The following BACE1 variants were observed in gnomAD, a reference collection of about 807,000 sequenced individuals.
The protein encoded by BACE1 is APP beta-secretase.
Under a neutral mutation model 54.0 loss-of-function variants are expected in BACE1, and 21 were observed. That is an observed-to-expected ratio of 0.39 (90% CI 0.28 to 0.56). The LOEUF (loss-of-function observed/expected upper bound fraction) is 0.56. Among genes scored for constraint, BACE1 ranks in the 20% least tolerant of loss-of-function variants. The pLI, the probability that BACE1 is intolerant of heterozygous loss-of-function variation, is 0.63. For missense variants in BACE1, 511 were observed against 661.2 expected (o/e 0.77, Z 2.49); for synonymous variants, 232 against 260.9 (o/e 0.89, Z 1.07).
rs2034412956 is a variant in BACE1 at position 117,290,997 on chromosome 11, T to C, written c.995A>G (p.Gln332Arg). The C allele has an allele frequency of 6.2e-7, 1 of 1,614,056 alleles. No homozygotes were observed. Among genetic ancestry groups the C allele is most frequent in the Admixed American group, 1.7e-5 (1 of 59,988 alleles). The change falls in exon 7 of 9, where the codon CAA becomes CGA. Residue 332 changes from glutamine to arginine, a missense_variant. Coordinates refer to ENST00000313005, the MANE Select transcript of BACE1 (RefSeq NM_012104.6). ...FWLGEQLVCWQAGTTPWNIFP... is the reference protein window; with the variant it reads ...FWLGEQLVCWRAGTTPWNIFP... ...AATGTTCCAAGGGGTGGTGCCTGCT[T>C]GCCAGCACACCAGCTGCTCTCCTAG...
Position 117,293,647 on chromosome 11 carries a change from A to T in BACE1, c.705+224T>A. ...TTTTCATTTCCTTTGAAATTTTCCTAATTGCCTTCCTTTCCAAGTTTACCA... is the reference window on the plus strand; with the variant it reads ...TTTTCATTTCCTTTGAAATTTTCCTTATTGCCTTCCTTTCCAAGTTTACCA... On this transcript the variant is annotated intron_variant, in intron 4 of 8. Coordinates refer to ENST00000313005, the MANE Select transcript of BACE1 (RefSeq NM_012104.6). The surrounding 1 kb of genome is among the most constrained non-coding windows in gnomAD (Gnocchi z 4.1). 2.5e-6 allele frequency: 1 copy of T among 405,938 alleles called. No individual in the cohort carries two copies. The highest frequency in any genetic ancestry group is 4.2e-6 in the Non-Finnish European group (1 of 238,790). 25.1% of individuals were successfully genotyped at this position (405,938 alleles called of 1,614,324 possible).
intron 7 of BACE1, 28 bp downstream of exon 7, chr11:117,290,872 G>A (rs369598078): frequency 1.2e-6 from 2 of 1,609,476 alleles, no homozygotes; most frequent in Non-Finnish European, 1.7e-6. Context: ...TTTTAAGAGA[G>A]ATCCCCCTGA....
At chr11:117,312,184 C>T (rs1251932665) in intron 1 of BACE1, among the ~76,000 whole-genome samples, 1 of 152,202 alleles carries the variant, frequency 6.6e-6, no homozygotes, top group Non-Finnish European at 1.5e-5. Context: ...CATGCTTAAG[C>T]CCTAACATCC....
chr11:117,295,265 G>T lies in BACE1; in HGVS notation c.433C>A (p.Leu145Met), dbSNP rs1335506651. The change falls in exon 3 of 9, where the codon CTG becomes ATG. Residue 145 changes from leucine to methionine, a missense_variant. Physicochemically the swap from Leu to Met is conservative, Grantham distance 15. Coordinates refer to ENST00000313005, the MANE Select transcript of BACE1 (RefSeq NM_012104.6). ...GKWEGELGTD[L>M]VSIPHGPNVT... The stretch of plus-strand genomic sequence containing the variant: ...TTGGGGCCATGGGGGATGCTTACCA[G>T]GTCGGTGCCCAGCTCCCCTTCCCAC... 1 of 1,614,204 alleles carries T rather than the reference G, an allele frequency of 6.2e-7. No homozygotes were observed. The highest frequency in any genetic ancestry group is 8.5e-7 in the Non-Finnish European group (1 of 1,180,046).
intron 1 of BACE1, among the ~76,000 whole-genome samples, chr11:117,304,648 T>A (rs954577381): frequency 6.6e-6 from 1 of 152,208 alleles, no homozygotes; most frequent in Admixed American, 6.5e-5. Flanking sequence ...CCTGTTCTCA[T>A]GTTCACATTA....
chr11:117,294,098 G>C lies in BACE1; in HGVS notation c.568-90C>G, dbSNP rs549756700. On this transcript the variant is annotated intron_variant, in intron 3 of 8. Transcript: ENST00000313005. The stretch of plus-strand genomic sequence containing the variant: ...TCTAAACTGGAAGGCAAATTTGAAG[G>C]CTTGGGGGATGCTCCTTGGGAAAGA... 1.0e-5 allele frequency: 15 copies of C among 1,457,288 alleles called. No individual in the cohort carries two copies. In the South Asian group the frequency reaches 1.9e-4, roughly 18 times the overall value. The allele number at this position is 1,457,288 out of a possible 1,614,324, so 90.3% of individuals were successfully genotyped here. A position where few individuals can be genotyped will look rare whatever the true frequency, so the allele number is the denominator to read the frequency against.
chr11:117,299,026 G>A (rs553845997), intron 1 of BACE1, among the ~76,000 whole-genome samples: 3 of 152,176 alleles, frequency 2.0e-5, no homozygotes, highest in African/African-American at 7.2e-5. Context: ...GGCTGGTCTC[G>A]AACTCCTGAC....
chr11:117,286,885 T>G lies in BACE1; in HGVS notation c.*2681A>C, dbSNP rs1265576700. 1 of 152,624 alleles carries G rather than the reference T, an allele frequency of 6.6e-6. No homozygotes were observed. The highest frequency in any genetic ancestry group is 1.5e-5 in the Non-Finnish European group (1 of 68,044). 9.5% of individuals were successfully genotyped at this position (152,624 alleles called of 1,614,324 possible). ...TAGTAGCTGTCATGAACAGGAAAGG[T>G]GGCAAAATGGAAGACCAGTTCTATT... is the stretch of plus-strand genomic sequence containing the variant. On this transcript the variant is annotated 3_prime_UTR_variant, in exon 9 of 9. Coordinates refer to ENST00000313005, the MANE Select transcript of BACE1 (RefSeq NM_012104.6).
chr11:117,306,137 G>A (rs1371860065), intron 1 of BACE1, among the ~76,000 whole-genome samples: 1 of 152,202 alleles, frequency 6.6e-6, no homozygotes, highest in Non-Finnish European at 1.5e-5. Context: ...GAAAAAGACA[G>A]AGGTGTTCTG....
At chr11:117,310,097 T>C (rs958424132) in intron 1 of BACE1, among the ~76,000 whole-genome samples, 25 of 152,012 alleles carry the variant, frequency 1.6e-4, no homozygotes, top group Admixed American at 5.9e-4. Context: ...TTAGTAGAGA[T>C]GGGGTTTCAC....
chr11:117,312,831 C>T (rs1035688165), intron 1 of BACE1, among the ~76,000 whole-genome samples: 2 of 152,162 alleles, frequency 1.3e-5, no homozygotes, highest in Non-Finnish European at 2.9e-5. Flanking sequence ...CTCTAGAGGT[C>T]AGGGATGGGG....
At chr11:117,298,633 TC>T (rs1165356306) in intron 1 of BACE1, among the ~76,000 whole-genome samples, 1 of 152,160 alleles carries the variant, frequency 6.6e-6, no homozygotes, top group East Asian at 1.9e-4. Flanking sequence ...AGAATGTGGC[TC>T]CCCTTCTGTC....
chr11:117,299,083 G>A (rs959686790), intron 1 of BACE1, among the ~76,000 whole-genome samples: 6 of 152,144 alleles, frequency 3.9e-5, no homozygotes, highest in African/African-American at 4.8e-5. Flanking sequence ...TGAGGCGTGA[G>A]CTACCATGCC....
Position 117,290,583 on chromosome 11 carries a change from G to T in BACE1, c.1169C>A (p.Thr390Lys). The change falls in exon 8 of 9, where the codon ACG (threonine) becomes AAG (lysine). Residue 390 changes from threonine (T) to lysine (K), a missense_variant. Physicochemically the swap from Thr to Lys is moderately conservative, Grantham distance 78 (BLOSUM62 -1). Transcript: ENST00000313005. The stretch of plus-strand genomic sequence containing the variant: ...GATAACAGCTCCCATAACAGTGCCC[G>T]TGGATGACTGTGAGATGGCAAACTT... ...CYKFAISQSS[T>K]GTVMGAVIME... is the part of the protein sequence containing the mutation. 1 of 1,614,236 alleles carries T rather than the reference G, an allele frequency of 6.2e-7. No individual in the cohort carries two copies. Among genetic ancestry groups the T allele is most frequent in the Non-Finnish European group, 8.5e-7 (1 of 1,180,048 alleles).
rs1158591036 is a variant in BACE1, at chr11:117,315,227, T to G, written c.261+308A>C. On this transcript the variant is annotated intron_variant, in intron 1 of 8. Coordinates refer to ENST00000313005, the MANE Select transcript of BACE1 (RefSeq NM_012104.6). This position sits in a 1 kb window ranked among gnomAD's most constrained non-coding sequence, Gnocchi z 5.5. ...GGGCTGACACCTGTTATAGTGCCCC[T>G]GTGGCGGACCCTTCCTCCAGGTCAG... Among the ~76,000 whole-genome samples, 3 of 152,188 alleles carry G rather than the reference T, an allele frequency of 2.0e-5. No individual in the cohort carries two copies. Among genetic ancestry groups the G allele is most frequent in the Non-Finnish European group, 4.4e-5 (3 of 68,030 alleles).
rs780331183 is a variant in BACE1, at chr11:117,287,584, G to C, written c.*1982C>G. ...GGGGTTGAGTTTTATGCCCTGGAAA[G>C]GGCTGGGAAAAAGCCAGTTTTTCCC... On this transcript the variant is annotated 3_prime_UTR_variant, in exon 9 of 9. Coordinates refer to ENST00000313005, the MANE Select transcript of BACE1 (RefSeq NM_012104.6). 1.3e-5 allele frequency: 2 copies of C among 152,482 alleles called. No homozygotes were observed. Among genetic ancestry groups the C allele is most frequent in the African/African-American group, 4.8e-5 (2 of 41,430 alleles). 9.4% of individuals were successfully genotyped at this position (152,482 alleles called of 1,614,324 possible).
intron 1 of BACE1, among the ~76,000 whole-genome samples, chr11:117,308,715 T>C (rs1280940023): frequency 6.6e-6 from 1 of 152,108 alleles, no homozygotes; most frequent in Non-Finnish European, 1.5e-5. Flanking sequence ...TTTGGGAGGC[T>C]GAGGCGGGCG....
chr11:117,311,786 A>G (rs1463106304), intron 1 of BACE1, among the ~76,000 whole-genome samples: 1 of 152,044 alleles, frequency 6.6e-6, no homozygotes, highest in Non-Finnish European at 1.5e-5. Flanking sequence ...AACTACAGGC[A>G]CGCGCCACCA....
intron 6 of BACE1, among the ~76,000 whole-genome samples, 193 bp from the exon 7 acceptor site, chr11:117,291,242 G>T (rs1223540878): frequency 6.6e-6 from 1 of 151,764 alleles, no homozygotes; most frequent in Non-Finnish European, 1.5e-5. Context: ...CCGGGGGATT[G>T]TGTGATGAGC....
Sources: gnomAD v4.1 joint callset for allele counts (sites outside exome capture counted in the v4.1 genomes callset) on GRCh38, gnomAD v4.1.1 for gene constraint, Gnocchi (gnomAD v3.1) non-coding constraint, MANE v1.5 for transcripts, NCBI Gene and HGNC (gene_info 2026-07-23, HGNC 2026-07-21) for gene names.